ABCA13: variants seen among roughly 807,000 people sequenced by gnomAD.
ABCA13 encodes the protein ATP-binding cassette sub-family A member 13.
ABCA13 carries 476 observed loss-of-function variants against 478.7 expected under a neutral mutation model. The observed-to-expected ratio is 0.99, with a 90% CI of 0.92 to 1.07. ABCA13 has a LOEUF of 1.07. Ranked by LOEUF, ABCA13 falls within the 50% of genes least tolerant of loss-of-function variation. The pLI is 0.00. For synonymous variants in ABCA13, 2,252 were observed against 2,158.9 expected (o/e 1.04, Z -1.20); for missense variants, 6,060 against 5,910.6 (o/e 1.03, Z -0.83).
rs115433804 is a variant in ABCA13 at position 48,289,833 on chromosome 7, C to T, written c.8955+1755C>T. 3.9e-3 allele frequency among the ~76,000 whole-genome samples: 592 copies of T among 152,266 alleles called. 5 individuals carry two copies. Among genetic ancestry groups the T allele is most frequent in the African/African-American group, 0.014 (564 of 41,540 alleles). ...TAGTTTTGATAAAGAGCAGAAGTTC[C>T]TGTCTTTAATGACAAAAATAGTATG... On this transcript the variant is annotated intron_variant, in intron 20 of 61. Transcript: ENST00000435803.
chr7:48,461,243 A>G (rs1826209097), intron 43 of ABCA13, among the ~76,000 whole-genome samples: 1 of 152,182 alleles, frequency 6.6e-6, no homozygotes, highest in Admixed American at 6.5e-5. Flanking sequence ...AGAATAACAT[A>G]CAAAGTGCTG....
At position 48,221,266 on chromosome 7, in the gene ABCA13, C is replaced by T; in HGVS notation, c.440-15C>T. On this transcript the variant is annotated splice_polypyrimidine_tract_variant and intron_variant, in intron 4 of 61. Transcript: ENST00000435803. Reference sequence around the variant, plus strand: ...GATGATTGAACTAATATCTCTTAAACCTTCTTTATTATAGATTCTTCTTAT... The same window carrying T: ...GATGATTGAACTAATATCTCTTAAATCTTCTTTATTATAGATTCTTCTTAT... 8.9e-7 allele frequency: 1 copy of T among 1,119,322 alleles called. No homozygotes were observed. The highest frequency in any genetic ancestry group is 1.3e-6 in the Non-Finnish European group (1 of 772,598). The allele number at this position is 1,119,322 out of a possible 1,614,324, so 69.3% of individuals were successfully genotyped here. A position where few individuals can be genotyped will look rare whatever the true frequency, so the allele number is the denominator to read the frequency against.
At chr7:48,288,622 C>T (rs1798087148) in intron 20 of ABCA13, among the ~76,000 whole-genome samples, 1 of 143,618 alleles carries the variant, frequency 7.0e-6, no homozygotes, top group Non-Finnish European at 1.5e-5. Flanking sequence ...TGGAAATTGG[C>T]AAGTGCTCCA....
rs1800814654 is a variant in ABCA13, at chr7:48,305,793, C to A, written c.9322-4154C>A. Among the ~76,000 whole-genome samples, 5 of 152,182 alleles carry A rather than the reference C, an allele frequency of 3.3e-5. No individual in the cohort carries two copies. The South Asian group carries it at 1.0e-3, about 32-fold the overall frequency. ...ATACTCAGATAATTATCTAAGTGGC[C>A]AAGTGTGTATGAGCCAGGCTCGCAG... On this transcript the variant is annotated intron_variant, in intron 23 of 61. Coordinates refer to ENST00000435803, the MANE Select transcript of ABCA13 (RefSeq NM_152701.5).
intron 52 of ABCA13, among the ~76,000 whole-genome samples, chr7:48,518,222 T>A (rs1832276048): frequency 6.6e-6 from 1 of 152,132 alleles, no homozygotes; most frequent in Non-Finnish European, 1.5e-5. Flanking sequence ...GTGTACAATT[T>A]CCCTCCTCCC....
chr7:48,335,427 T>C lies in ABCA13; in HGVS notation c.10005T>C (p.Asn3335=), dbSNP rs767659136. 6.2e-7 allele frequency: 1 copy of C among 1,602,858 alleles called. No homozygotes were observed. The highest frequency in any genetic ancestry group is 1.7e-5 in the Admixed American group (1 of 58,950). ...PEINKVIQKA[N]YTFYIVDKLK... ...AAATATGCTTCATTTTGCAGGCTAA[T>C]TACACCTTTTATATTGTGGACAAAC... The change falls in exon 28 of 62, where the codon AAT becomes AAC. Residue 3335 remains asparagine, a synonymous_variant. Transcript: ENST00000435803.
chr7:48,178,975 C>CCAATAATAATAA (rs746825836), intron 1 of ABCA13, among the ~76,000 whole-genome samples: 21 of 142,074 alleles, frequency 1.5e-4, no homozygotes, highest in East Asian at 8.3e-4. Flanking sequence ...AAAACAAAAA[C>CCAATAATAATAA]TAATAATAAT....
chr7:48,229,480 G>C (rs1788733567), intron 6 of ABCA13, among the ~76,000 whole-genome samples: 1 of 152,178 alleles, frequency 6.6e-6, no homozygotes, highest in Non-Finnish European at 1.5e-5. Flanking sequence ...TTGCACCCTG[G>C]CTGGCCTCAT....
At chr7:48,514,228 G>A (rs1275190510) in intron 51 of ABCA13, among the ~76,000 whole-genome samples, 1 of 152,146 alleles carries the variant, frequency 6.6e-6, no homozygotes, top group East Asian at 1.9e-4. Flanking sequence ...GCTGTGTGTT[G>A]TGCCAGGCCA....
At chr7:48,238,465 T>C (rs1351369316) in intron 8 of ABCA13, among the ~76,000 whole-genome samples, 1 of 132,666 alleles carries the variant, frequency 7.5e-6, no homozygotes, top group Admixed American at 7.3e-5. Context: ...TCTGTTGAAG[T>C]TCTTTTTTTT....
chr7:48,297,447 A>G, intron 22 of ABCA13, 136 bp downstream of exon 22: 1 of 888,950 alleles, frequency 1.1e-6, no homozygotes, highest in African/African-American at 1.7e-5. Flanking sequence ...CTTGGCTGGT[A>G]TGATGTATTT....
At chr7:48,172,753 G>C (rs1333918328) in intron 1 of ABCA13, among the ~76,000 whole-genome samples, 1 of 129,120 alleles carries the variant, frequency 7.7e-6, no homozygotes, top group Non-Finnish European at 1.6e-5. Flanking sequence ...AGCCGAGATC[G>C]CGCCACTGCA....
chr7:48,382,167 G>A (rs1364988071), intron 35 of ABCA13, among the ~76,000 whole-genome samples: 3 of 152,068 alleles, frequency 2.0e-5, no homozygotes, highest in Non-Finnish European at 4.4e-5. Flanking sequence ...GCCTGATCTG[G>A]ACTTACAGCG....
intron 15 of ABCA13, among the ~76,000 whole-genome samples, chr7:48,261,106 A>G (rs1794119983): frequency 6.6e-6 from 1 of 151,972 alleles, no homozygotes; most frequent in African/African-American, 2.4e-5. Context: ...GCATGCCAAT[A>G]TATTGACTCT....
rs563131215 is a variant in ABCA13 at position 48,555,978 on chromosome 7, G to A, written c.14355-24246G>A. On this transcript the variant is annotated intron_variant, in intron 55 of 61. Transcript: ENST00000435803. ...TTTTCTTCTTGGTACTGCTTTTGCTGTATTTCATAGATTTTGGTATGTTGT... is the reference window on the plus strand; with the variant it reads ...TTTTCTTCTTGGTACTGCTTTTGCTATATTTCATAGATTTTGGTATGTTGT... Among the ~76,000 whole-genome samples, 6 of 151,672 alleles carry A rather than the reference G, an allele frequency of 4.0e-5. No homozygotes were observed. In the East Asian group the frequency reaches 7.7e-4, roughly 20 times the overall value.
chr7:48,411,023 C>CTT (rs1442635300), intron 40 of ABCA13, among the ~76,000 whole-genome samples: 2 of 118,136 alleles, frequency 1.7e-5, no homozygotes, highest in East Asian at 5.1e-4. Flanking sequence ...TTCTTTCTTT[C>CTT]TTTCTTTCTT....
chr7:48,305,458 A>C (rs1180219886), intron 23 of ABCA13, among the ~76,000 whole-genome samples: 1 of 152,156 alleles, frequency 6.6e-6, no homozygotes, highest in East Asian at 1.9e-4. Context: ...CCTATTTTTA[A>C]ATACCTGCGC....
At chr7:48,631,332 T>C (rs1794144431) in intron 59 of ABCA13, among the ~76,000 whole-genome samples, 1 of 152,088 alleles carries the variant, frequency 6.6e-6, no homozygotes, top group Non-Finnish European at 1.5e-5. Flanking sequence ...TTTTTATACA[T>C]GGTGAAAGAT....
chr7:48,503,469 A>G (rs77974526), intron 48 of ABCA13, among the ~76,000 whole-genome samples: 1,840 of 152,300 alleles, frequency 0.012, 39 homozygotes, highest in African/African-American at 0.042. Context: ...CTGAGGTGAC[A>G]GCCTTCTACT....
Sources: allele counts gnomAD v4.1 joint callset (sites outside exome capture counted in the v4.1 genomes callset), GRCh38; gene constraint gnomAD v4.1.1; transcripts MANE v1.5; gene names NCBI Gene and HGNC (gene_info 2026-07-23, HGNC 2026-07-21).